Variants in SNX2 observed in about 807,000 individuals in gnomAD.
SNX2 encodes sorting nexin 2.
Under a neutral mutation model 69.9 loss-of-function variants are expected in SNX2, and 25 were observed. The observed-to-expected ratio is 0.36, with a 90% CI of 0.26 to 0.50. SNX2 has a LOEUF of 0.50. Ranked by LOEUF, SNX2 falls within the 20% of genes least tolerant of loss-of-function variation. The pLI, the probability that SNX2 is intolerant of heterozygous loss-of-function variation, is 0.97. For synonymous variants in SNX2, 229 were observed against 200.4 expected, an observed-to-expected ratio of 1.14 and a Z score of -1.20; for missense variants, 551 against 613.3, an observed-to-expected ratio of 0.90 and a Z score of 1.07.
At chr5:122,783,354 G>A (rs771050177) in intron 1 of SNX2, among the ~76,000 whole-genome samples, 37 of 152,094 alleles carry the variant, frequency 2.4e-4, no homozygotes, top group Non-Finnish European at 4.6e-4. Context: ...TATTTTAGAT[G>A]TCACATATAT....
rs1163466087 is a variant in SNX2, at chr5:122,829,689, C to A, written c.*41C>A. The A allele has an allele frequency of 1.3e-6, 2 of 1,538,524 alleles. No individual in the cohort carries two copies. Among genetic ancestry groups the A allele is most frequent in the Non-Finnish European group, 1.8e-6 (2 of 1,112,016 alleles). ...CGTTAAGAAGACCTTGGATGTTGTT[C>A]CAGTTATGCTGGATTCCACAGTGAA... On this transcript the variant is annotated 3_prime_UTR_variant, in exon 15 of 15. Transcript: ENST00000379516.
In SNX2 at chr5:122,829,066, G is replaced by A. The variant is rs189472856; in HGVS notation, c.1510-532G>A. Among the ~76,000 whole-genome samples the A allele has an allele frequency of 1.6e-3, 244 of 152,182 alleles. 2 individuals are homozygous for A. The highest frequency in any genetic ancestry group is 0.015 in the South Asian group (74 of 4,824). On this transcript the variant is annotated intron_variant, in intron 14 of 14. Coordinates refer to ENST00000379516, the MANE Select transcript of SNX2 (RefSeq NM_003100.4). ...TGGGAGGTGGAGGTTGCAGTGAGCC[G>A]AGGTCATGCCATTGCACTCCGGTCT...
chr5:122,824,777 G>C (rs1175633342), intron 11 of SNX2, among the ~76,000 whole-genome samples: 2 of 151,990 alleles, frequency 1.3e-5, no homozygotes, highest in African/African-American at 4.8e-5. Flanking sequence ...TTTGCACTTT[G>C]GTATAGAAAG....
intron 8 of SNX2, among the ~76,000 whole-genome samples, chr5:122,816,455 C>G (rs1753901666): frequency 6.6e-6 from 1 of 152,102 alleles, no homozygotes; most frequent in African/African-American, 2.4e-5. Context: ...AATTTGAGTT[C>G]TAGTTTGCAT....
At chr5:122,826,225 A>T in intron 12 of SNX2, 32 bp downstream of exon 12, 1 of 1,582,500 alleles carries the variant, frequency 6.3e-7, no homozygotes, top group Non-Finnish European at 8.6e-7. Context: ...CTCTTTACTT[A>T]AGTTTTGCAT....
intron 11 of SNX2, among the ~76,000 whole-genome samples, chr5:122,821,592 C>T (rs1754026528): frequency 6.6e-6 from 1 of 151,832 alleles, no homozygotes; most frequent in African/African-American, 2.4e-5. Flanking sequence ...GTAGCTGGGA[C>T]TACAGGCGCC....
At chr5:122,825,860 T>C (rs1162256462) in intron 11 of SNX2, among the ~76,000 whole-genome samples, 190 bp from the exon 12 acceptor site, 2 of 152,106 alleles carry the variant, frequency 1.3e-5, no homozygotes, top group African/African-American at 4.8e-5. Context: ...GACAGGGTTT[T>C]TTTGTTTTAA....
intron 6 of SNX2, among the ~76,000 whole-genome samples, chr5:122,804,436 G>A (rs1169737144): frequency 3.3e-5 from 5 of 150,174 alleles, no homozygotes; most frequent in Non-Finnish European, 5.9e-5. Context: ...TGCAATCTTG[G>A]CTCACTGCAA....
At position 122,822,573 on chromosome 5, in the gene SNX2, A is replaced by C. The variant is rs149535805; in HGVS notation, c.1213-3477A>C. 1.2e-4 allele frequency among the ~76,000 whole-genome samples: 18 copies of C among 152,354 alleles called. 1 individual carries two copies. In the East Asian group the frequency reaches 3.1e-3, roughly 26 times the overall value. ...TAATATAGAGCCATTGTTAGGATCAAAAAACATCAGGAATTGGAACACTAA... is the reference window on the plus strand; with the variant it reads ...TAATATAGAGCCATTGTTAGGATCACAAAACATCAGGAATTGGAACACTAA... On this transcript the variant is annotated intron_variant, in intron 11 of 14. Transcript: ENST00000379516.
chr5:122,783,632 T>A (rs1173780722), intron 1 of SNX2, among the ~76,000 whole-genome samples: 1 of 152,240 alleles, frequency 6.6e-6, no homozygotes, highest in South Asian at 2.1e-4. Context: ...TTTTGTTTCA[T>A]TGATCTATTG....
At chr5:122,802,029 GTTTTA>G in intron 4 of SNX2, 47 bp from the exon 5 acceptor site, 1 of 1,562,434 alleles carries the variant, frequency 6.4e-7, no homozygotes, top group Non-Finnish European at 8.8e-7. Context: ...TATTAAATGA[GTTTTA>G]TTTTTATGCA....
Position 122,806,142 on chromosome 5 carries a change from G to GCGCGCACGCGCACACACACA in SNX2, c.644-2134_644-2133insGCGCACGCGCACACACACAC. Among the ~76,000 whole-genome samples the GCGCGCACGCGCACACACACA allele has an allele frequency of 3.4e-3, 440 of 130,634 alleles. 6 individuals are homozygous for GCGCGCACGCGCACACACACA. The highest frequency in any genetic ancestry group is 0.012 in the African/African-American group (419 of 34,522). The allele number at this position is 130,634 out of a possible 152,430, so 85.7% of individuals were successfully genotyped here. A position where few individuals can be genotyped will look rare whatever the true frequency, so the allele number is the denominator to read the frequency against. ...TGTGTATATATATACACACGCGCGCGCACACACACACACACACACACACAC... is the reference window on the plus strand; with the variant it reads ...TGTGTATATATATACACACGCGCGCGCGCGCACGCGCACACACACACACACACACACACACACACACACAC... On this transcript the variant is annotated intron_variant, in intron 6 of 14. Transcript: ENST00000379516.
intron 1 of SNX2, among the ~76,000 whole-genome samples, chr5:122,788,989 A>AT (rs1753150201): frequency 6.6e-6 from 1 of 152,202 alleles, no homozygotes; most frequent in Non-Finnish European, 1.5e-5. Flanking sequence ...ATTTTGGACT[A>AT]TATCTTAAAC....
Position 122,833,963 on chromosome 5 carries a change from A to G in SNX2, c.*4315A>G, listed in dbSNP as rs919492895. 1.3e-5 allele frequency: 2 copies of G among 152,202 alleles called. No homozygotes were observed. The highest frequency in any genetic ancestry group is 2.9e-5 in the Non-Finnish European group (2 of 68,032). The allele number at this position is 152,202 out of a possible 1,614,324, so 9.4% of individuals were successfully genotyped here. On this transcript the variant is annotated 3_prime_UTR_variant, in exon 15 of 15. Coordinates refer to ENST00000379516, the MANE Select transcript of SNX2 (RefSeq NM_003100.4). ...TCTACAATAAATGAATTGTAGTACT[A>G]TATTGCTTGAAGGAAGTTTATAACC...
chr5:122,788,136 G>A (rs188762701), intron 1 of SNX2, among the ~76,000 whole-genome samples: 7 of 152,216 alleles, frequency 4.6e-5, no homozygotes, highest in Admixed American at 4.6e-4. Flanking sequence ...CTTCAATCCT[G>A]GAGGATATTT....
Position 122,829,750 on chromosome 5 carries a change from T to G in SNX2, c.*102T>G. The G allele has an allele frequency of 1.2e-6, 1 of 863,478 alleles. No homozygotes were observed. Among genetic ancestry groups the G allele is most frequent in the Non-Finnish European group, 1.9e-6 (1 of 522,982 alleles). The allele number at this position is 863,478 out of a possible 1,614,324, so 53.5% of individuals were successfully genotyped here. A position where few individuals can be genotyped will look rare whatever the true frequency, so the allele number is the denominator to read the frequency against. On this transcript the variant is annotated 3_prime_UTR_variant, in exon 15 of 15. Coordinates refer to ENST00000379516, the MANE Select transcript of SNX2 (RefSeq NM_003100.4). ...ACCATCTAAATAAACCACTATATAT[T>G]TTATGAATTACATGTGGTTTTATAT...
At chr5:122,775,460 A>G in intron 1 of SNX2, 1 of 1,181,368 alleles carries the variant, frequency 8.5e-7, no homozygotes, top group Non-Finnish European at 1.0e-6. Context: ...AACCGAACCG[A>G]GCATTGCAGC....
chr5:122,805,185 G>A (rs564537324), intron 6 of SNX2, among the ~76,000 whole-genome samples: 1 of 151,702 alleles, frequency 6.6e-6, no homozygotes, highest in African/African-American at 2.4e-5. Context: ...CAGCTACTTG[G>A]GAGGCTGAGA....
intron 11 of SNX2, among the ~76,000 whole-genome samples, chr5:122,824,579 C>A (rs1390919037): frequency 6.6e-6 from 1 of 152,114 alleles, no homozygotes; most frequent in African/African-American, 2.4e-5. Context: ...GCTTTGACTG[C>A]CAGTTTGCCC....
Sources: allele counts gnomAD v4.1 joint callset (sites outside exome capture counted in the v4.1 genomes callset), GRCh38; gene constraint gnomAD v4.1.1; transcripts MANE v1.5; gene names NCBI Gene and HGNC (gene_info 2026-07-23, HGNC 2026-07-21).